RPUSD4: variants seen among roughly 807,000 people sequenced by gnomAD.
RPUSD4 encodes the protein RNA pseudouridine synthase D4.
Under a neutral mutation model 35.4 loss-of-function variants are expected in RPUSD4, and 37 were observed. The ratio of observed to expected loss-of-function variants is 1.04; its 90% CI spans 0.80 to 1.37. The LOEUF is 1.37. RPUSD4 is among the 40% of genes most tolerant of loss of function. The pLI is 0.00. For synonymous variants in RPUSD4, 210 were observed against 192.7 expected, an observed-to-expected ratio of 1.09 and a Z score of -0.74; for missense variants, 507 against 484.9, an observed-to-expected ratio of 1.05 and a Z score of -0.43.
Position 126,209,662 on chromosome 11 carries a change from T to C in RPUSD4, c.416A>G (p.His139Arg), listed in dbSNP as rs773680619. The C allele has an allele frequency of 6.2e-7, 1 of 1,614,204 alleles. No individual in the cohort carries two copies. The highest frequency in any genetic ancestry group is 8.5e-7 in the Non-Finnish European group (1 of 1,180,026). ...ATGCAAGGGCTCTGCCTTGTGGCCA[T>C]GAAGCATCTTTGCCAGGATAGGTAG... ...DVLPILAKMLHGHKAEPLHLC... is the reference protein window; with the variant it reads ...DVLPILAKMLRGHKAEPLHLC... The change falls in exon 3 of 7, where the codon CAT becomes CGT. Residue 139 changes from histidine to arginine, a missense_variant. By Grantham distance (29) the His-to-Arg change is conservative. Coordinates refer to ENST00000298317, the MANE Select transcript of RPUSD4 (RefSeq NM_032795.3).
At chr11:126,209,751 C>T (rs144728924) in intron 2 of RPUSD4, 29 bp from the exon 3 acceptor site, 1,081 of 1,590,242 alleles carry the variant, frequency 6.8e-4, no homozygotes, top group Non-Finnish European at 8.4e-4. Context: ...AAGGTTTGAG[C>T]GGCCAGGAAA....
intron 1 of RPUSD4, 66 bp downstream of exon 1, chr11:126,211,384 C>T: frequency 6.6e-7 from 1 of 1,506,908 alleles, no homozygotes; most frequent in Non-Finnish European, 8.9e-7. Context: ...ACCCTCCTAC[C>T]TACTCCCCGT....
At chr11:126,208,388 C>T (rs1324348597) in intron 3 of RPUSD4, among the ~76,000 whole-genome samples, 1 of 152,174 alleles carries the variant, frequency 6.6e-6, no homozygotes, top group Non-Finnish European at 1.5e-5. Flanking sequence ...GGGTACAAAA[C>T]TCTGTGTGAA....
In RPUSD4 at chr11:126,211,349, T is replaced by C. The variant is rs536290929; in HGVS notation, c.189+101A>G. ...TTCTCCCACCTTGCGTCCGGGCTAT[T>C]GACTCACACGCTTTCACTCAGAGGA... On this transcript the variant is annotated intron_variant, in intron 1 of 6. Coordinates refer to ENST00000298317, the MANE Select transcript of RPUSD4 (RefSeq NM_032795.3). 1.1e-5 allele frequency: 14 copies of C among 1,306,782 alleles called. No homozygotes were observed. The East Asian group carries it at 2.8e-4, about 26-fold the overall frequency. 80.9% of individuals were successfully genotyped at this position (1,306,782 alleles called of 1,614,324 possible). A position where few individuals can be genotyped will look rare whatever the true frequency, so the allele number is the denominator to read the frequency against.
chr11:126,204,344 G>C lies in RPUSD4; in HGVS notation c.797-16C>G. On this transcript the variant is annotated splice_polypyrimidine_tract_variant and intron_variant, in intron 5 of 6. Transcript: ENST00000298317. ...TGTTTTATTCCTTAAAAGAGAGAGA[G>C]AGAGAAAGAGAGAAAACTCGTGAGG... 6.3e-7 allele frequency: 1 copy of C among 1,576,886 alleles called. No individual in the cohort carries two copies. The highest frequency in any genetic ancestry group is 1.1e-5 in the South Asian group (1 of 89,538).
chr11:126,211,336 G>T, intron 1 of RPUSD4, 114 bp downstream of exon 1: 1 of 1,201,642 alleles, frequency 8.3e-7, no homozygotes, highest in Non-Finnish European at 1.2e-6. Context: ...CTCCCACCTT[G>T]CGTCCGGGCT....
rs762658851 is a variant in RPUSD4, at chr11:126,205,517, C to T, written c.747G>A (p.Val249=). ...GGGCGGAGGAGAGAGTGCTGCTGAG[C>T]ACCTGGTACTGAGTTACAGCAACTT... is the stretch of plus-strand genomic sequence containing the variant. ...NAQVAVTQYQ[V]LSSTLSSALV... The change falls in exon 5 of 7, where the codon GTG becomes GTA. Residue 249 remains valine (V), a synonymous_variant. Transcript: ENST00000298317. The T allele has an allele frequency of 2.5e-6, 4 of 1,614,284 alleles. No homozygotes were observed. The South Asian group carries it at 4.4e-5, about 18-fold the overall frequency.
chr11:126,209,571 T>G lies in RPUSD4; in HGVS notation c.507A>C (p.Ala169=), dbSNP rs1020276557. ...VMVLAWDKDM[A]HQVQELFRTR... is the part of the protein sequence containing the mutation. Reference sequence around the variant, plus strand: ...TTCTAAACAACTCTTGGACTTGATGTGCCATGTCCTTGTCCCAAGCCAACA... The same window carrying G: ...TTCTAAACAACTCTTGGACTTGATGGGCCATGTCCTTGTCCCAAGCCAACA... The change falls in exon 3 of 7, where the codon GCA becomes GCC. Residue 169 remains alanine, a synonymous_variant. Transcript: ENST00000298317. 6.2e-7 allele frequency: 1 copy of G among 1,614,148 alleles called. No individual in the cohort carries two copies. The highest frequency in any genetic ancestry group is 8.5e-7 in the Non-Finnish European group (1 of 1,180,058).
At chr11:126,211,156 CT>C in intron 1 of RPUSD4, 101 bp from the exon 2 acceptor site, 1 of 1,385,362 alleles carries the variant, frequency 7.2e-7, no homozygotes, top group East Asian at 2.3e-5. Context: ...GAATGACTAT[CT>C]TTGCATCAGA....
intron 5 of RPUSD4, 124 bp from the exon 6 acceptor site, chr11:126,204,452 T>C: frequency 1.6e-6 from 1 of 637,286 alleles, no homozygotes; most frequent in Admixed American, 3.1e-5. Flanking sequence ...GTCCCAACTA[T>C]AATAAAGTAT....
intron 3 of RPUSD4, chr11:126,208,510 T>C (rs1009136861): frequency 6.6e-6 from 1 of 152,214 alleles, no homozygotes; most frequent in Non-Finnish European, 1.5e-5. Flanking sequence ...AGATGGGGAA[T>C]AGAGGGTTTC....
intron 3 of RPUSD4, among the ~76,000 whole-genome samples, chr11:126,208,344 T>C (rs1260342430): frequency 6.6e-6 from 1 of 152,198 alleles, no homozygotes; most frequent in Non-Finnish European, 1.5e-5. Context: ...TGACACAAAA[T>C]GCTCTAAGAT....
chr11:126,204,335 A>G lies in RPUSD4; in HGVS notation c.797-7T>C. 1 of 1,413,342 alleles carries G rather than the reference A, an allele frequency of 7.1e-7. No homozygotes were observed. The highest frequency in any genetic ancestry group is 1.3e-5 in the South Asian group (1 of 77,566). The allele number at this position is 1,413,342 out of a possible 1,614,324, so 87.6% of individuals were successfully genotyped here. ...CGAAGCTGATGTTTTATTCCTTAAA[A>G]GAGAGAGAGAGAGAAAGAGAGAAAA... On this transcript the variant is annotated splice_polypyrimidine_tract_variant and splice_region_variant and intron_variant, in intron 5 of 6. Transcript: ENST00000298317.
At chr11:126,209,494 C>A (rs775821484) in intron 3 of RPUSD4, 27 bp downstream of exon 3, 1 of 1,595,510 alleles carries the variant, frequency 6.3e-7, no homozygotes, top group Non-Finnish European at 8.6e-7. Flanking sequence ...CTTATACCAC[C>A]TCTACTGCCA....
Position 126,209,543 on chromosome 11 carries a change from G to C in RPUSD4, c.535C>G (p.Arg179Gly). ...TACCAGTACTTCTTCACCACCTGACGGGTTCTAAACAACTCTTGGACTTGA... is the reference window on the plus strand; with the variant it reads ...TACCAGTACTTCTTCACCACCTGACCGGTTCTAAACAACTCTTGGACTTGA... Reference protein sequence around the residue: ...AHQVQELFRTRQVVKKYWAIT... With the variant: ...AHQVQELFRTGQVVKKYWAIT... The change falls in exon 3 of 7, where the codon CGT becomes GGT. Residue 179 changes from arginine to glycine, a missense_variant. By Grantham distance (125) the Arg-to-Gly change is moderately radical. Transcript: ENST00000298317. The C allele has an allele frequency of 1.2e-6, 2 of 1,614,158 alleles. No homozygotes were observed. The highest frequency in any genetic ancestry group is 2.2e-5 in the South Asian group (2 of 91,078).
At chr11:126,207,869 A>T (rs1335435051) in intron 3 of RPUSD4, among the ~76,000 whole-genome samples, 4 of 151,500 alleles carry the variant, frequency 2.6e-5, no homozygotes, top group African/African-American at 7.3e-5. Flanking sequence ...GGTCTTAAAT[A>T]AAAAAAAATA....
chr11:126,208,393 T>A lies in RPUSD4; in HGVS notation c.557+1128A>T, dbSNP rs1302964983. Among the ~76,000 whole-genome samples the A allele has an allele frequency of 2.6e-5, 4 of 152,330 alleles. No individual in the cohort carries two copies. In the South Asian group the frequency reaches 8.3e-4, roughly 32 times the overall value. On this transcript the variant is annotated intron_variant, in intron 3 of 6. Coordinates refer to ENST00000298317, the MANE Select transcript of RPUSD4 (RefSeq NM_032795.3). ...GAAAACTGTAGGGTACAAAACTCTGTGTGAAATACACTAGCATACAGTAAT... is the reference window on the plus strand; with the variant it reads ...GAAAACTGTAGGGTACAAAACTCTGAGTGAAATACACTAGCATACAGTAAT...
intron 3 of RPUSD4, 83 bp downstream of exon 3, chr11:126,209,438 G>T: frequency 8.5e-7 from 1 of 1,180,816 alleles, no homozygotes; most frequent in Non-Finnish European, 1.2e-6. Flanking sequence ...TCTATTAATG[G>T]GAGTTTCTGT....
chr11:126,205,448 C>A lies in RPUSD4; in HGVS notation c.796+20G>T. The A allele has an allele frequency of 6.2e-7, 1 of 1,613,714 alleles. No homozygotes were observed. Among genetic ancestry groups the A allele is most frequent in the Non-Finnish European group, 8.5e-7 (1 of 1,179,682 alleles). On this transcript the variant is annotated intron_variant, in intron 5 of 6. Coordinates refer to ENST00000298317, the MANE Select transcript of RPUSD4 (RefSeq NM_032795.3). ...GGCACAGGGTTTTGTGATCCCACTGCGGAAAAGTGACACTCTCACCAGTGA... is the reference window on the plus strand; with the variant it reads ...GGCACAGGGTTTTGTGATCCCACTGAGGAAAAGTGACACTCTCACCAGTGA...
Sources: gnomAD v4.1 joint callset for allele counts (sites outside exome capture counted in the v4.1 genomes callset) on GRCh38, gnomAD v4.1.1 for gene constraint, MANE v1.5 for transcripts, NCBI Gene and HGNC (gene_info 2026-07-23, HGNC 2026-07-21) for gene names.